The following ABCC4 variants were observed in gnomAD, a reference collection of about 807,000 sequenced individuals.
The protein encoded by ABCC4 is ATP binding cassette subfamily C member 4 (PEL blood group), also known as ATP-binding cassette sub-family C member 4.
In ABCC4, 102 loss-of-function variants were observed where a neutral mutation model predicts 168.5. The ratio of observed to expected loss-of-function variants is 0.61; its 90% CI spans 0.52 to 0.71. The LOEUF (loss-of-function observed/expected upper bound fraction) is 0.71. Ranked by LOEUF, ABCC4 falls within the 30% of genes least tolerant of loss-of-function variation. The pLI, the probability that ABCC4 is intolerant of heterozygous loss-of-function variation, is 0.00. For missense variants in ABCC4, 1,402 were observed against 1,605.8 expected, an observed-to-expected ratio of 0.87 and a Z score of 2.17; for synonymous variants, 617 against 590.7, an observed-to-expected ratio of 1.04 and a Z score of -0.65.
chr13:95,188,302 T>C, intron 10 of ABCC4, 151 bp downstream of exon 10: 1 of 708,548 alleles, frequency 1.4e-6, no homozygotes, highest in South Asian at 1.7e-5. Flanking sequence ...CATGTGACCC[T>C]TCTTGCAAAA....
chr13:95,086,519 C>G (rs903360331), intron 20 of ABCC4, among the ~76,000 whole-genome samples: 1 of 152,150 alleles, frequency 6.6e-6, no homozygotes, highest in African/African-American at 2.4e-5. Flanking sequence ...ATTCTTTTAA[C>G]AAGCATAATT....
At chr13:95,253,576 C>G (rs2040321389) in intron 1 of ABCC4, among the ~76,000 whole-genome samples, 2 of 151,974 alleles carry the variant, frequency 1.3e-5, no homozygotes, top group African/African-American at 4.8e-5. Flanking sequence ...GAAACCCCGC[C>G]TCTACTAAAA....
At chr13:95,029,199 TATATATATATATATAGAG>T (rs1566355306) in intron 30 of ABCC4, among the ~76,000 whole-genome samples, 5 of 72,416 alleles carry the variant, frequency 6.9e-5, no homozygotes, top group African/African-American at 2.9e-4. Flanking sequence ...TATATATATA[TATATATATATATATAGAG>T]AGAGAGAGAG....
chr13:95,029,988 T>TCCATCC (rs1555302416), intron 30 of ABCC4, among the ~76,000 whole-genome samples: 10 of 146,442 alleles, frequency 6.8e-5, no homozygotes, highest in East Asian at 6.1e-4. Flanking sequence ...CTTGTCTATC[T>TCCATCC]ATCCATCCAT....
chr13:95,180,764 T>G (rs958887448), intron 11 of ABCC4, among the ~76,000 whole-genome samples: 1 of 152,224 alleles, frequency 6.6e-6, no homozygotes, highest in Non-Finnish European at 1.5e-5. Context: ...ATTCTCAAAA[T>G]AGCATCAAGT....
chr13:95,173,188 G>C (rs1186747466), intron 13 of ABCC4, among the ~76,000 whole-genome samples: 3 of 152,238 alleles, frequency 2.0e-5, no homozygotes, highest in Non-Finnish European at 4.4e-5. Context: ...GAGTGGCCAG[G>C]AAAGTCCTCT....
chr13:95,040,298 C>G (rs888564533), intron 29 of ABCC4, among the ~76,000 whole-genome samples: 16 of 152,210 alleles, frequency 1.1e-4, no homozygotes, highest in African/African-American at 3.9e-4. Flanking sequence ...GTGGCGCGAT[C>G]TCGGCTCACT....
chr13:95,132,541 C>G (rs893261018), intron 19 of ABCC4, among the ~76,000 whole-genome samples: 6 of 152,200 alleles, frequency 3.9e-5, no homozygotes, highest in Admixed American at 1.3e-4. Context: ...TAAATCATCC[C>G]TAGATTACTT....
At chr13:95,074,179 T>TCATACCATACATA in intron 23 of ABCC4, 35 bp downstream of exon 23, 2 of 1,486,288 alleles carry the variant, frequency 1.3e-6, no homozygotes, top group Middle Eastern at 1.7e-4. Context: ...TAAATTGTAA[T>TCATACCATACATA]CATACCATAC....
intron 29 of ABCC4, among the ~76,000 whole-genome samples, chr13:95,037,100 A>AC (rs2032156141): frequency 6.6e-6 from 1 of 151,168 alleles, no homozygotes; most frequent in South Asian, 2.1e-4. Flanking sequence ...AAAAAAAAAA[A>AC]AACCCCAAAA....
chr13:95,255,503 G>C (rs1302023324), intron 1 of ABCC4, among the ~76,000 whole-genome samples: 3 of 152,156 alleles, frequency 2.0e-5, no homozygotes, highest in Admixed American at 6.5e-5. Flanking sequence ...TGAGGGTAGA[G>C]CACCCACACC....
chr13:95,108,966 A>G (rs905242039), intron 20 of ABCC4, among the ~76,000 whole-genome samples: 8 of 152,192 alleles, frequency 5.3e-5, no homozygotes, highest in Non-Finnish European at 8.8e-5. Context: ...TGGTCCAGTC[A>G]TTAGCAAACA....
chr13:95,041,355 C>T (rs1363653859), intron 29 of ABCC4, among the ~76,000 whole-genome samples: 1 of 152,190 alleles, frequency 6.6e-6, no homozygotes, highest in Non-Finnish European at 1.5e-5. Context: ...AATTAGGTCG[C>T]AGTTGTTTCC....
chr13:95,265,430 GAA>G (rs11435237), intron 1 of ABCC4, among the ~76,000 whole-genome samples: 10,228 of 146,784 alleles, frequency 0.07, 699 homozygotes, highest in African/African-American at 0.18. Flanking sequence ...GACACAATAA[GAA>G]AAAAAAAAAG....
intron 3 of ABCC4, among the ~76,000 whole-genome samples, chr13:95,243,650 G>A (rs1160084903): frequency 6.6e-6 from 1 of 152,294 alleles, no homozygotes; most frequent in Admixed American, 6.5e-5. Flanking sequence ...AATTTGGGAG[G>A]GCGAGGTGGG....
At chr13:95,140,098 G>C (rs2036269449) in intron 19 of ABCC4, among the ~76,000 whole-genome samples, 1 of 152,136 alleles carries the variant, frequency 6.6e-6, no homozygotes, top group African/African-American at 2.4e-5. Flanking sequence ...CTTCAGTTCT[G>C]CTTCTTCCAA....
rs1170676886 is a variant in ABCC4 at position 95,083,297 on chromosome 13, T to C, written c.2536-7A>G. The C allele has an allele frequency of 1.9e-6, 3 of 1,611,508 alleles. No homozygotes were observed. The highest frequency in any genetic ancestry group is 2.2e-5 in the South Asian group (2 of 90,848). On this transcript the variant is annotated splice_polypyrimidine_tract_variant and splice_region_variant and intron_variant, in intron 20 of 30. Coordinates refer to ENST00000645237, the MANE Select transcript of ABCC4 (RefSeq NM_005845.5). ...CAACCACTTGTAGCAATGTCTGAAA[T>C]AGCAGAAGTAGATGCAGGTTTTCCT...
At chr13:95,231,505 C>T (rs1383995699) in intron 4 of ABCC4, among the ~76,000 whole-genome samples, 1 of 152,186 alleles carries the variant, frequency 6.6e-6, no homozygotes, top group Admixed American at 6.5e-5. Flanking sequence ...ATGGGGGCCT[C>T]AGTGGAAACT....
At chr13:95,063,224 T>C (rs1484881366) in intron 25 of ABCC4, among the ~76,000 whole-genome samples, 1 of 152,232 alleles carries the variant, frequency 6.6e-6, no homozygotes, top group Non-Finnish European at 1.5e-5. Flanking sequence ...AGAATCTGTT[T>C]ACTGGCATTG....
Sources: allele counts gnomAD v4.1 joint callset (sites outside exome capture counted in the v4.1 genomes callset), GRCh38; gene constraint gnomAD v4.1.1; transcripts MANE v1.5; gene names NCBI Gene and HGNC (gene_info 2026-07-23, HGNC 2026-07-21).